Variants in URB2 observed in about 807,000 individuals in gnomAD.
The protein encoded by URB2 is URB2 ribosome biogenesis homolog, also known as unhealthy ribosome biogenesis protein 2 homolog.
In URB2, 86 loss-of-function variants were observed where a neutral mutation model predicts 120.9. That is an observed-to-expected ratio of 0.71 (90% CI 0.60 to 0.85). URB2 has a LOEUF of 0.85. URB2 is among the 40% of genes least tolerant of loss of function. URB2 has a pLI of 0.00. For synonymous variants in URB2, 755 were observed against 758.4 expected, an observed-to-expected ratio of 1.00 and a Z score of 0.07; for missense variants, 1,765 against 1,836.5, an observed-to-expected ratio of 0.96 and a Z score of 0.71.
intron 5 of URB2, among the ~76,000 whole-genome samples, 176 bp downstream of exon 5, chr1:229,643,869 G>A (rs925469886): frequency 2.6e-5 from 4 of 152,258 alleles, no homozygotes; most frequent in Middle Eastern, 3.2e-3. Flanking sequence ...AGCCCAGGCT[G>A]CGGCATAGGG....
Position 229,632,271 on chromosome 1 carries a change from G to A in URB2, c.129G>A (p.Val43=). The A allele has an allele frequency of 6.5e-7, 1 of 1,548,820 alleles. No homozygotes were observed. The highest frequency in any genetic ancestry group is 1.3e-5 in the South Asian group (1 of 77,234). The change falls in exon 3 of 10, where the codon GTG becomes GTA. Residue 43 remains valine, a splice_region_variant and synonymous_variant. Transcript: ENST00000258243. Reference sequence around the variant, plus strand: ...GTGTATGTGTCCTTCAAATTCAGGTGTTACTTGATTGGGCAAGACAATCAT... The same window carrying A: ...GTGTATGTGTCCTTCAAATTCAGGTATTACTTGATTGGGCAAGACAATCAT... ...HQCFLPNKEQ[V]LLDWARQSLV...
rs770413665 is a variant in URB2, at chr1:229,635,254, G to A, written c.641G>A (p.Gly214Glu). 3 of 1,614,104 alleles carry A rather than the reference G, an allele frequency of 1.9e-6. No homozygotes were observed. Among genetic ancestry groups the A allele is most frequent in the African/African-American group, 2.7e-5 (2 of 74,938 alleles). ...CTGGTCCTGAGGCACTTACTCTCTG[G>A]GGGCACATGGACGCAGGCTGGCCAG... ...PCLVLRHLLS[G>E]GTWTQAGQGQ... Residue 214 changes from glycine (G) to glutamate (E), a missense_variant, in exon 4 of 10, where the codon GGG becomes GAG. Gly to Glu is a moderately conservative substitution (Grantham distance 98). Transcript: ENST00000258243.
chr1:229,634,279 C>T (rs1284918566), intron 3 of URB2, among the ~76,000 whole-genome samples: 1 of 151,944 alleles, frequency 6.6e-6, no homozygotes, highest in Non-Finnish European at 1.5e-5. Context: ...GATCCCAGCT[C>T]ACTGCAACCT....
Position 229,632,409 on chromosome 1 carries a change from T to C in URB2, c.267T>C (p.Asn89=). ...HSRKLQNLLK[N]GKTINLQISL... is the part of the protein sequence containing the mutation. ...GAAAATTGCAGAATCTCCTCAAGAA[T>C]GGAAAGACCATTAATCTTCAGATTT... Residue 89 remains asparagine, a synonymous_variant, in exon 3 of 10, where the codon AAT becomes AAC. Coordinates refer to ENST00000258243, the MANE Select transcript of URB2 (RefSeq NM_014777.4). 1.3e-6 allele frequency: 2 copies of C among 1,577,152 alleles called. No individual in the cohort carries two copies. The highest frequency in any genetic ancestry group is 1.2e-5 in the South Asian group (1 of 82,256).
At chr1:229,628,128 C>CATATATAATAT (rs1317440991) in intron 2 of URB2, among the ~76,000 whole-genome samples, 1 of 119,520 alleles carries the variant, frequency 8.4e-6, no homozygotes, top group Admixed American at 8.8e-5. Flanking sequence ...TGTATATATA[C>CATATATAATAT]ATATATAATA....
rs981337478 is a variant in URB2 at position 229,659,503 on chromosome 1, A to C, written c.*206A>C. 9 of 490,126 alleles carry C rather than the reference A, an allele frequency of 1.8e-5. No individual in the cohort carries two copies. Among genetic ancestry groups the C allele is most frequent in the African/African-American group, 1.7e-4 (9 of 52,012 alleles). The allele number at this position is 490,126 out of a possible 1,614,324, so 30.4% of individuals were successfully genotyped here. On this transcript the variant is annotated 3_prime_UTR_variant, in exon 10 of 10. Coordinates refer to ENST00000258243, the MANE Select transcript of URB2 (RefSeq NM_014777.4). ...TTTTAATACATAGTTTTATGCAGTA[A>C]GTATTGCAATAGAATCCTGAAAATT... is the stretch of plus-strand genomic sequence containing the variant.
chr1:229,654,848 T>C (rs1360491802), intron 9 of URB2, among the ~76,000 whole-genome samples: 1 of 152,210 alleles, frequency 6.6e-6, no homozygotes, highest in Admixed American at 6.5e-5. Flanking sequence ...GGCTCAGTGG[T>C]GCCTTGTACA....
chr1:229,628,272 T>TTATACATATACATATTATATATGTATATA (rs1347099829), intron 2 of URB2, among the ~76,000 whole-genome samples: 39 of 147,144 alleles, frequency 2.7e-4, no homozygotes, highest in African/African-American at 5.9e-4. Flanking sequence ...TGTATATAAA[T>TTATACATATACATATTATATATGTATATA]TAGTCAGACA....
intron 9 of URB2, among the ~76,000 whole-genome samples, chr1:229,657,928 C>G (rs1666443269): frequency 6.6e-6 from 1 of 152,198 alleles, no homozygotes; most frequent in Non-Finnish European, 1.5e-5. Context: ...GACACATTAA[C>G]CCTTTCAGGT....
At chr1:229,646,981 G>GGCAGGGGTCATCGTCACC (rs1440655295) in intron 6 of URB2, among the ~76,000 whole-genome samples, 1 of 152,214 alleles carries the variant, frequency 6.6e-6, no homozygotes, top group Non-Finnish European at 1.5e-5. Flanking sequence ...GTTGGTGGAT[G>GGCAGGGGTCATCGTCACC]GCAGGGGTCA....
chr1:229,647,858 C>T, intron 7 of URB2, 106 bp downstream of exon 7: 2 of 1,481,312 alleles, frequency 1.4e-6, no homozygotes, highest in Non-Finnish European at 1.8e-6. Flanking sequence ...GATAATAATA[C>T]AAATAACGAT....
chr1:229,634,888 A>G (rs1665752929), intron 3 of URB2, 29 bp from the exon 4 acceptor site: 2 of 1,504,622 alleles, frequency 1.3e-6, no homozygotes, highest in Non-Finnish European at 8.9e-7. Flanking sequence ...AAGGTCAGTA[A>G]TGAATTTTCT....
Position 229,635,255 on chromosome 1 carries a change from G to A in URB2, c.642G>A (p.Gly214=). The change falls in exon 4 of 10, where the codon GGG becomes GGA. Residue 214 remains glycine, a synonymous_variant. Transcript: ENST00000258243. ...TGGTCCTGAGGCACTTACTCTCTGG[G>A]GGCACATGGACGCAGGCTGGCCAGG... The part of the protein sequence containing the change: ...PCLVLRHLLS[G]GTWTQAGQGQ... 1.2e-6 allele frequency: 2 copies of A among 1,614,228 alleles called. No homozygotes were observed. Among genetic ancestry groups the A allele is most frequent in the Non-Finnish European group, 1.7e-6 (2 of 1,180,050 alleles).
At position 229,637,246 on chromosome 1, in the gene URB2, T is replaced by G. The variant is rs746882360; in HGVS notation, c.2633T>G (p.Val878Gly). The change falls in exon 4 of 10, where the codon GTC (valine) becomes GGC (glycine). Residue 878 changes from valine (V) to glycine (G), a missense_variant. Transcript: ENST00000258243. Reference sequence around the variant, plus strand: ...ATTGCCCAGAACTTACTGTCCCTGGTCAAGAGTGACTTCCCTATCCAGCTG... The same window carrying G: ...ATTGCCCAGAACTTACTGTCCCTGGGCAAGAGTGACTTCCCTATCCAGCTG... ...GEIAQNLLSLVKSDFPIQLEG... is the reference protein window; with the variant it reads ...GEIAQNLLSLGKSDFPIQLEG... 3.7e-6 allele frequency: 6 copies of G among 1,613,848 alleles called. No individual in the cohort carries two copies. The highest frequency in any genetic ancestry group is 5.1e-6 in the Non-Finnish European group (6 of 1,179,888).
rs1228213252 is a variant in URB2, at chr1:229,636,384, C to T, written c.1771C>T (p.Pro591Ser). 3 of 1,614,218 alleles carry T rather than the reference C, an allele frequency of 1.9e-6. No homozygotes were observed. The highest frequency in any genetic ancestry group is 1.7e-6 in the Non-Finnish European group (2 of 1,180,028). ...CCTGCTGGCCCTTCTCCCGGACACC[C>T]CAGGCCCAGAGCCAGAGCTGTGGCT... ...QPLLALLPDT[P>S]GPEPELWLQK... The change falls in exon 4 of 10, where the codon CCA becomes TCA. Residue 591 changes from proline (P) to serine (S), a missense_variant. Pro to Ser is a moderately conservative substitution (Grantham distance 74). Coordinates refer to ENST00000258243, the MANE Select transcript of URB2 (RefSeq NM_014777.4).
In URB2 at chr1:229,636,313, G is replaced by A. The variant is rs1425245693; in HGVS notation, c.1700G>A (p.Arg567Gln). The change falls in exon 4 of 10, where the codon CGG (arginine) becomes CAG (glutamine). Residue 567 changes from arginine (R) to glutamine (Q), a missense_variant. Transcript: ENST00000258243. ...DSSTPLPIVR[R>Q]TQCMMERMMR... ...AGCACGCCTCTGCCCATTGTCAGAC[G>A]GACACAGTGCATGATGGAGAGGATG... The A allele has an allele frequency of 3.7e-6, 6 of 1,614,220 alleles. No homozygotes were observed. Among genetic ancestry groups the A allele is most frequent in the South Asian group, 1.1e-5 (1 of 91,088 alleles).
At position 229,628,405 on chromosome 1, in the gene URB2, A is replaced by G. The variant is rs76115920; in HGVS notation, c.126+646A>G. Among the ~76,000 whole-genome samples, 432 of 151,930 alleles carry G rather than the reference A, an allele frequency of 2.8e-3. 6 individuals carry two copies. Among genetic ancestry groups the G allele is most frequent in the African/African-American group, 0.01 (423 of 41,406 alleles). On this transcript the variant is annotated intron_variant, in intron 2 of 9. Transcript: ENST00000258243. The stretch of plus-strand genomic sequence containing the variant: ...CACTTTCACTCCCAGCCTGGGCGAT[A>G]GAGCAAGACCTTGTCTCTTTAAAAT...
rs566553011 is a variant in URB2 at position 229,660,181 on chromosome 1, A to G, written c.*884A>G. On this transcript the variant is annotated 3_prime_UTR_variant, in exon 10 of 10. Coordinates refer to ENST00000258243, the MANE Select transcript of URB2 (RefSeq NM_014777.4). ...TATATAGTAGCTAAATTGGATCATAAATGCATTTTTTTAAAGTTACCTTTT... is the reference window on the plus strand; with the variant it reads ...TATATAGTAGCTAAATTGGATCATAGATGCATTTTTTTAAAGTTACCTTTT... 1 of 151,428 alleles carries G rather than the reference A, an allele frequency of 6.6e-6. No individual in the cohort carries two copies. The highest frequency in any genetic ancestry group is 1.9e-4 in the East Asian group (1 of 5,144). The allele number at this position is 151,428 out of a possible 1,614,324, so 9.4% of individuals were successfully genotyped here.
rs750922501 is a variant in URB2, at chr1:229,636,949, C to T, written c.2336C>T (p.Ser779Leu). Residue 779 changes from serine to leucine, a missense_variant, in exon 4 of 10, where the codon TCA (serine) becomes TTA (leucine). Transcript: ENST00000258243. ...CCCATGGGCAAAGCCCAGGAAGTCT[C>T]AATAGATGAAGAGGCATACATCACA... ...TLPMGKAQEV[S>L]IDEEAYITLE... is the part of the protein sequence containing the mutation. The T allele has an allele frequency of 1.2e-6, 2 of 1,613,858 alleles. No homozygotes were observed. Among genetic ancestry groups the T allele is most frequent in the East Asian group, 4.5e-5 (2 of 44,896 alleles).
Sources: gnomAD v4.1 joint callset for allele counts (sites outside exome capture counted in the v4.1 genomes callset) on GRCh38, gnomAD v4.1.1 for gene constraint, MANE v1.5 for transcripts, NCBI Gene and HGNC (gene_info 2026-07-23, HGNC 2026-07-21) for gene names.